CAMTA1: variants seen among roughly 807,000 people sequenced by gnomAD.
The protein encoded by CAMTA1 is calmodulin binding transcription activator 1, also known as calmodulin-binding transcription activator 1.
In CAMTA1, 27 loss-of-function variants were observed where a neutral mutation model predicts 170.9. The ratio of observed to expected loss-of-function variants is 0.16; its 90% CI spans 0.12 to 0.22. The LOEUF is 0.22. Among genes scored for constraint, CAMTA1 ranks in the 10% least tolerant of loss-of-function variants. CAMTA1 has a pLI of 1.00. For synonymous variants in CAMTA1, 833 were observed against 891.5 expected, an observed-to-expected ratio of 0.93 and a Z score of 1.17; for missense variants, 1,619 against 2,217.2, an observed-to-expected ratio of 0.73 and a Z score of 5.42.
At chr1:7,546,782 G>A (rs1288912311) in intron 6 of CAMTA1, among the ~76,000 whole-genome samples, 1 of 152,174 alleles carries the variant, frequency 6.6e-6, no homozygotes, top group Admixed American at 6.5e-5. Flanking sequence ...TCATATGCTT[G>A]TTGGCTGGAC....
rs1017436047 is a variant in CAMTA1 at position 7,565,077 on chromosome 1, C to T, written c.511-75323C>T. Among the ~76,000 whole-genome samples, 7 of 151,862 alleles carry T rather than the reference C, an allele frequency of 4.6e-5. No homozygotes were observed. The highest frequency in any genetic ancestry group is 3.9e-4 in the Admixed American group (6 of 15,250). The stretch of plus-strand genomic sequence containing the variant: ...CCTCAGGGAGGTGAGGGACCCAAAG[C>T]AGAGGGGCTGTGGGTGCCAGGGGGC... On this transcript the variant is annotated intron_variant, in intron 6 of 22. Coordinates refer to ENST00000303635, the MANE Select transcript of CAMTA1 (RefSeq NM_015215.4). The surrounding 1 kb of genome is among the most constrained non-coding windows in gnomAD (Gnocchi z 4.5).
chr1:6,836,602 TGC>T (rs1653232919), intron 3 of CAMTA1, among the ~76,000 whole-genome samples: 1 of 152,156 alleles, frequency 6.6e-6, no homozygotes, highest in Non-Finnish European at 1.5e-5. Context: ...TATGTGTGTG[TGC>T]ATGTGCGCGT....
chr1:7,142,893 C>T (rs552051724), intron 4 of CAMTA1, among the ~76,000 whole-genome samples: 2 of 152,358 alleles, frequency 1.3e-5, no homozygotes, highest in East Asian at 3.9e-4. Flanking sequence ...TTCCCTGAAA[C>T]ACGAGAGGCT....
Position 7,248,537 on chromosome 1 carries a change from G to A in CAMTA1, c.303-954G>A, listed in dbSNP as rs892924609. Among the ~76,000 whole-genome samples, 2 of 152,146 alleles carry A rather than the reference G, an allele frequency of 1.3e-5. No homozygotes were observed. The highest frequency in any genetic ancestry group is 2.9e-5 in the Non-Finnish European group (2 of 68,040). On this transcript the variant is annotated intron_variant, in intron 4 of 22. Transcript: ENST00000303635. The surrounding 1 kb of genome is among the most constrained non-coding windows in gnomAD (Gnocchi z 4.0). Reference sequence around the variant, plus strand: ...AGATTTTGGGGGAGTCTTCCTTGACGTTGGATCTGCCCACAGCTACTGAAA... The same window carrying A: ...AGATTTTGGGGGAGTCTTCCTTGACATTGGATCTGCCCACAGCTACTGAAA...
chr1:6,927,298 G>A (rs531092219), intron 3 of CAMTA1, among the ~76,000 whole-genome samples: 25 of 152,170 alleles, frequency 1.6e-4, no homozygotes, highest in Admixed American at 6.5e-4. Context: ...CTCCCAACGC[G>A]CTGAGACTGC....
At chr1:6,952,821 A>G (rs1688736814) in intron 3 of CAMTA1, among the ~76,000 whole-genome samples, 1 of 152,212 alleles carries the variant, frequency 6.6e-6, no homozygotes, top group South Asian at 2.1e-4. Context: ...GCGACAAAGC[A>G]AGACTCCATC....
At chr1:7,096,073 C>T (rs527762825) in intron 4 of CAMTA1, among the ~76,000 whole-genome samples, 2 of 152,298 alleles carry the variant, frequency 1.3e-5, no homozygotes, top group Non-Finnish European at 2.9e-5. Context: ...AGCACCTCCA[C>T]ATGGAAGCAC....
At chr1:6,897,723 T>A (rs1166829420) in intron 3 of CAMTA1, among the ~76,000 whole-genome samples, 1 of 152,168 alleles carries the variant, frequency 6.6e-6, no homozygotes, top group Non-Finnish European at 1.5e-5. Flanking sequence ...TGTTTGAAAA[T>A]GAAACAGAGC....
rs1673988761 is a variant in CAMTA1 at position 7,296,668 on chromosome 1, G to A, written c.438+47042G>A. Among the ~76,000 whole-genome samples, 8 of 152,250 alleles carry A rather than the reference G, an allele frequency of 5.3e-5. No homozygotes were observed. The South Asian group carries it at 1.7e-3, about 32-fold the overall frequency. Reference sequence around the variant, plus strand: ...GATGGTAGTGGAGCAGGTCTAGGGGGAGAATAAAGAGTTCTGTTTTGGCCA... The same window carrying A: ...GATGGTAGTGGAGCAGGTCTAGGGGAAGAATAAAGAGTTCTGTTTTGGCCA... On this transcript the variant is annotated intron_variant, in intron 5 of 22. Coordinates refer to ENST00000303635, the MANE Select transcript of CAMTA1 (RefSeq NM_015215.4).
chr1:7,677,359 G>C (rs2096132298), intron 10 of CAMTA1, among the ~76,000 whole-genome samples: 1 of 152,208 alleles, frequency 6.6e-6, no homozygotes, highest in East Asian at 1.9e-4. Context: ...CAAAGCAAAG[G>C]GGCAGTTACG....
chr1:7,424,955 T>TAGGG lies in CAMTA1; in HGVS notation c.439-42863_439-42860dup, dbSNP rs113314143. Among the ~76,000 whole-genome samples, 484 of 152,014 alleles carry TAGGG rather than the reference T, an allele frequency of 3.2e-3. 4 individuals are homozygous for TAGGG. The highest frequency in any genetic ancestry group is 0.011 in the African/African-American group (459 of 41,464). On this transcript the variant is annotated intron_variant, in intron 5 of 22. Coordinates refer to ENST00000303635, the MANE Select transcript of CAMTA1 (RefSeq NM_015215.4). ...GGGACAAGAAGGGAGTGTCCCTGCA[T>TAGGG]AGGGAGGGAGGGAGGCAGGATGGAC... is the stretch of plus-strand genomic sequence containing the variant.
chr1:6,884,119 G>A (rs1672421641), intron 3 of CAMTA1, among the ~76,000 whole-genome samples: 1 of 152,024 alleles, frequency 6.6e-6, no homozygotes, highest in South Asian at 2.1e-4. Context: ...CAAGGAGGTC[G>A]TGGTTCATGA....
At chr1:7,494,900 G>A (rs564028586) in intron 6 of CAMTA1, among the ~76,000 whole-genome samples, 5 of 152,284 alleles carry the variant, frequency 3.3e-5, no homozygotes, top group East Asian at 1.9e-4. Context: ...CCAGCAAGCC[G>A]GCAGTGTCCT....
At chr1:7,101,466 C>G (rs1642698651) in intron 4 of CAMTA1, among the ~76,000 whole-genome samples, 1 of 152,188 alleles carries the variant, frequency 6.6e-6, no homozygotes. Context: ...TGCTGTTTGG[C>G]TAGGAGGTAT....
At chr1:7,276,303 A>ATATATATATATATATATATATTTT in intron 5 of CAMTA1, among the ~76,000 whole-genome samples, 5 of 24,218 alleles carry the variant, frequency 2.1e-4, no homozygotes, top group Admixed American at 6.5e-4. Flanking sequence ...ATATATATAT[A>ATATATATATATATATATATATTTT]TTTTTTTTTT....
chr1:7,478,196 G>T (rs561394613), intron 6 of CAMTA1, among the ~76,000 whole-genome samples: 349 of 152,288 alleles, frequency 2.3e-3, no homozygotes, highest in African/African-American at 8.1e-3. Flanking sequence ...GAATAGCAGT[G>T]GTCGGGGAAG....
At position 7,680,409 on chromosome 1, in the gene CAMTA1, G is replaced by C. The variant is rs752899109; in HGVS notation, c.2914+2676G>C. ...GTGGGCGCCAGGGGACTGCAGCGCG[G>C]AGCAAACTGGGGCACGGCTGCCGGC... is the stretch of plus-strand genomic sequence containing the variant. On this transcript the variant is annotated intron_variant, in intron 11 of 22. Coordinates refer to ENST00000303635, the MANE Select transcript of CAMTA1 (RefSeq NM_015215.4). This position sits in a 1 kb window ranked among gnomAD's most constrained non-coding sequence, Gnocchi z 4.4. 1.8e-3 allele frequency among the ~76,000 whole-genome samples: 270 copies of C among 152,216 alleles called. No individual in the cohort carries two copies. Among genetic ancestry groups the C allele is most frequent in the Admixed American group, 3.1e-3 (48 of 15,294 alleles).
intron 5 of CAMTA1, among the ~76,000 whole-genome samples, chr1:7,291,521 A>G (rs1673139785): frequency 6.6e-6 from 1 of 152,218 alleles, no homozygotes; most frequent in African/African-American, 2.4e-5. Context: ...GCCCCTCATC[A>G]CACCAGCAAA....
In CAMTA1 at chr1:7,663,364, A is replaced by T; in HGVS notation, c.817A>T (p.Ser273Cys). 6.6e-7 allele frequency: 1 copy of T among 1,525,676 alleles called. No homozygotes were observed. Among genetic ancestry groups the T allele is most frequent in the Non-Finnish European group, 8.8e-7 (1 of 1,134,384 alleles). The allele number at this position is 1,525,676 out of a possible 1,614,324, so 94.5% of individuals were successfully genotyped here. A position where few individuals can be genotyped will look rare whatever the true frequency, so the allele number is the denominator to read the frequency against. ...LCTGSLGAGG[S>C]VHHKCNSAKH... The stretch of plus-strand genomic sequence containing the variant: ...TCCGATCTCCGCAGGAGCTGGCGGC[A>T]GCGTGCATCACAAGTGTAACAGCGC... The change falls in exon 9 of 23, where the codon AGC becomes TGC. Residue 273 changes from serine to cysteine, a missense_variant. Transcript: ENST00000303635.
Sources: allele counts gnomAD v4.1 joint callset (sites outside exome capture counted in the v4.1 genomes callset), GRCh38; gene constraint gnomAD v4.1.1; non-coding constraint Gnocchi (gnomAD v3.1); transcripts MANE v1.5; gene names NCBI Gene and HGNC (gene_info 2026-07-23, HGNC 2026-07-21).